The following CYP2C19 variants were observed in gnomAD, a reference collection of about 807,000 sequenced individuals.
The protein encoded by CYP2C19 is cytochrome P450 family 2 subfamily C member 19.
Under a neutral mutation model 40.9 loss-of-function variants are expected in CYP2C19, and 59 were observed. The ratio of observed to expected loss-of-function variants is 1.44; its 90% CI spans 1.17 to 1.79. CYP2C19 has a LOEUF of 1.79. Among genes scored for constraint, CYP2C19 ranks in the 40% most tolerant of loss-of-function variants. The pLI is 0.00. For missense variants in CYP2C19, 754 were observed against 596.9 expected (o/e 1.26, Z -2.74); for synonymous variants, 253 against 208.7 (o/e 1.21, Z -1.83).
At chr10:94,818,439 A>T (rs1008323072) in intron 5 of CYP2C19, among the ~76,000 whole-genome samples, 2 of 152,004 alleles carry the variant, frequency 1.3e-5, no homozygotes, top group African/African-American at 4.8e-5. Flanking sequence ...AGTCATTGGT[A>T]GCTTGATGGA....
At chr10:94,811,279 C>A (rs1460131079) in intron 5 of CYP2C19, among the ~76,000 whole-genome samples, 1 of 152,108 alleles carries the variant, frequency 6.6e-6, no homozygotes, top group Non-Finnish European at 1.5e-5. Context: ...TTTGTATTTG[C>A]TGATGGGTGT....
intron 1 of CYP2C19, among the ~76,000 whole-genome samples, chr10:94,770,698 C>T (rs1490359050): frequency 6.6e-6 from 1 of 152,076 alleles, no homozygotes; most frequent in African/African-American, 2.4e-5. Context: ...CTCCTGTAGC[C>T]ACTCGAGGAA....
chr10:94,784,707 A>G (rs958741444), intron 5 of CYP2C19, among the ~76,000 whole-genome samples: 2 of 151,986 alleles, frequency 1.3e-5, no homozygotes, highest in Non-Finnish European at 2.9e-5. Flanking sequence ...CTCCTGCCCC[A>G]GCCTTCAGAG....
intron 1 of CYP2C19, among the ~76,000 whole-genome samples, chr10:94,765,230 T>C (rs1848223939): frequency 6.6e-6 from 1 of 152,094 alleles, no homozygotes; most frequent in South Asian, 2.1e-4. Flanking sequence ...TAAGTAGGGA[T>C]ATTAGTTGTA....
intron 3 of CYP2C19, among the ~76,000 whole-genome samples, chr10:94,779,957 T>C (rs527722049): frequency 6.6e-6 from 1 of 152,342 alleles, no homozygotes; most frequent in East Asian, 1.9e-4. Context: ...TTAGACATTC[T>C]ATTCATTTAT....
chr10:94,801,630 A>T (rs1035716056), intron 5 of CYP2C19, among the ~76,000 whole-genome samples: 2 of 152,182 alleles, frequency 1.3e-5, no homozygotes, highest in Non-Finnish European at 2.9e-5. Flanking sequence ...AGCTGTGTTC[A>T]AGTCCTGAAA....
rs890271522 is a variant in CYP2C19, at chr10:94,851,675, T to C, written c.1292-1058T>C. 2.2e-4 allele frequency among the ~76,000 whole-genome samples: 33 copies of C among 152,166 alleles called. 1 individual carries two copies. The highest frequency in any genetic ancestry group is 1.1e-3 in the Admixed American group (17 of 15,252). ...CTGGTGAGGGCCTGTTCCTTATTGA[T>C]AATACCCCCTCTGTATCCTCATGTG... On this transcript the variant is annotated intron_variant, in intron 8 of 8. Coordinates refer to ENST00000371321, the MANE Select transcript of CYP2C19 (RefSeq NM_000769.4).
chr10:94,813,044 G>GT (rs1424837735), intron 5 of CYP2C19, among the ~76,000 whole-genome samples: 7 of 151,800 alleles, frequency 4.6e-5, no homozygotes, highest in Non-Finnish European at 8.8e-5. Context: ...CTTTGAATGG[G>GT]TTTTTTGCGT....
chr10:94,784,659 A>G (rs937655334), intron 5 of CYP2C19, among the ~76,000 whole-genome samples: 1 of 152,040 alleles, frequency 6.6e-6, no homozygotes, highest in African/African-American at 2.4e-5. Flanking sequence ...TCTGTTGCCT[A>G]GGCTCGAGTG....
At chr10:94,792,704 A>T (rs1268161633) in intron 5 of CYP2C19, among the ~76,000 whole-genome samples, 1 of 152,080 alleles carries the variant, frequency 6.6e-6, no homozygotes, top group Non-Finnish European at 1.5e-5. Flanking sequence ...TGGCTTGTAG[A>T]GTTTCTGCTG....
Position 94,853,439 on chromosome 10 carries a change from G to A in CYP2C19, c.*525G>A, listed in dbSNP as rs1373092306. ...AAAATTTAGAGTTACATGAGGATTG[G>A]ATTTGAAAGTGAGAAACTGTGTCCA... On this transcript the variant is annotated 3_prime_UTR_variant, in exon 9 of 9. Transcript: ENST00000371321. 6.6e-6 allele frequency among the ~76,000 whole-genome samples: 1 copy of A among 152,088 alleles called. No homozygotes were observed. The highest frequency in any genetic ancestry group is 1.5e-5 in the Non-Finnish European group (1 of 68,022).
intron 5 of CYP2C19, among the ~76,000 whole-genome samples, chr10:94,817,454 A>C (rs1849024963): frequency 1.4e-5 from 2 of 139,698 alleles, no homozygotes; most frequent in African/African-American, 5.4e-5. Context: ...AATTTGTTTG[A>C]GTTCATTGTA....
At chr10:94,767,897 C>G (rs945146007) in intron 1 of CYP2C19, among the ~76,000 whole-genome samples, 1 of 152,132 alleles carries the variant, frequency 6.6e-6, no homozygotes, top group Admixed American at 6.5e-5. Context: ...TTGTTCCATA[C>G]CAAGTGTCCT....
rs112538889 is a variant in CYP2C19, at chr10:94,848,284, A to C, written c.1150-1633A>C. Among the ~76,000 whole-genome samples, 494 of 152,242 alleles carry C rather than the reference A, an allele frequency of 3.2e-3. 3 individuals are homozygous for C. The highest frequency in any genetic ancestry group is 0.011 in the African/African-American group (452 of 41,562). ...GTGTAAAGAAGGGATCCAGTTTCAG[A>C]TTTCTACATACGGCTAGTCAGTTTT... is the stretch of plus-strand genomic sequence containing the variant. On this transcript the variant is annotated intron_variant, in intron 7 of 8. Transcript: ENST00000371321.
chr10:94,816,773 A>G (rs551257441), intron 5 of CYP2C19, among the ~76,000 whole-genome samples: 1 of 138,318 alleles, frequency 7.2e-6, no homozygotes, highest in Non-Finnish European at 1.5e-5. Context: ...ATTCCCCTTC[A>G]TGTGTCCATG....
intron 5 of CYP2C19, among the ~76,000 whole-genome samples, chr10:94,814,342 A>G (rs921488928): frequency 3.3e-5 from 5 of 151,786 alleles, no homozygotes; most frequent in Non-Finnish European, 7.4e-5. Context: ...GAGAGTTATT[A>G]TGTCCCTTTG....
chr10:94,844,766 C>A (rs988223186), intron 7 of CYP2C19, among the ~76,000 whole-genome samples: 1 of 152,078 alleles, frequency 6.6e-6, no homozygotes, highest in African/African-American at 2.4e-5. Flanking sequence ...AGGAGATAAC[C>A]AGGAGAAGGC....
At chr10:94,850,124 T>G in intron 8 of CYP2C19, 66 bp downstream of exon 8, 2 of 1,556,652 alleles carry the variant, frequency 1.3e-6, no homozygotes, top group South Asian at 2.2e-5. Context: ...AGTTGGAACT[T>G]ACATGTGCCT....
At chr10:94,802,381 T>C (rs1848778356) in intron 5 of CYP2C19, among the ~76,000 whole-genome samples, 1 of 152,154 alleles carries the variant, frequency 6.6e-6, no homozygotes, top group Non-Finnish European at 1.5e-5. Flanking sequence ...TTAATGTCTG[T>C]TTTATCACAG....
Sources: gnomAD v4.1 joint callset for allele counts (sites outside exome capture counted in the v4.1 genomes callset) on GRCh38, gnomAD v4.1.1 for gene constraint, MANE v1.5 for transcripts, NCBI Gene and HGNC (gene_info 2026-07-23, HGNC 2026-07-21) for gene names.